Variants in KANK2 observed in about 807,000 individuals in gnomAD.
The protein encoded by KANK2 is KN motif and ankyrin repeat domains 2, also known as KN motif and ankyrin repeat domain-containing protein 2.
A neutral mutation model predicts 74.6 loss-of-function variants in KANK2; 41 were observed. That is an observed-to-expected ratio of 0.55 (90% CI 0.43 to 0.71). The LOEUF (loss-of-function observed/expected upper bound fraction) is 0.71. Among genes scored for constraint, KANK2 ranks in the 30% least tolerant of loss-of-function variants. The probability of loss-of-function intolerance (pLI) is 0.00; values close to 1 mark genes in which losing one functional copy is unlikely to be tolerated. For missense variants in KANK2, 1,148 were observed against 1,196.4 expected (o/e 0.96, Z 0.60); for synonymous variants, 537 against 519.0 (o/e 1.03, Z -0.47).
intron 12 of KANK2, among the ~76,000 whole-genome samples, chr19:11,168,005 GTTTTTT>G (rs528176321): frequency 0.041 from 4,700 of 115,034 alleles, 269 homozygotes; most frequent in African/African-American, 0.14. Context: ...CCACGTCCTT[GTTTTTT>G]TTTTTTTTTT....
intron 4 of KANK2, among the ~76,000 whole-genome samples, chr19:11,188,206 ATT>A (rs34581359): frequency 6.8e-6 from 1 of 146,934 alleles, no homozygotes; most frequent in Non-Finnish European, 1.5e-5. Flanking sequence ...GGCCAAAATA[ATT>A]TTTTTTTTTT....
Position 11,193,156 on chromosome 19 carries a change from G to A in KANK2, c.924C>T (p.Ala308=). The A allele has an allele frequency of 6.2e-7, 1 of 1,609,608 alleles. No individual in the cohort carries two copies. Among genetic ancestry groups the A allele is most frequent in the Non-Finnish European group, 8.5e-7 (1 of 1,178,654 alleles). ...KALQELQAAQ[A]RQADPQPQAW... is the part of the protein sequence containing the mutation. ...CCTGGGGCTGGGGGTCAGCCTGCCGGGCCTGAGCTGCCTGCAGCTCCTGCA... is the reference window on the plus strand; with the variant it reads ...CCTGGGGCTGGGGGTCAGCCTGCCGAGCCTGAGCTGCCTGCAGCTCCTGCA... Residue 308 remains alanine (A), a synonymous_variant, in exon 4 of 13, where the codon GCC becomes GCT. Transcript: ENST00000586659. The surrounding 1 kb of genome is among the most constrained non-coding windows in gnomAD (Gnocchi z 9.6).
chr19:11,184,799 G>A (rs1175241701), intron 4 of KANK2, among the ~76,000 whole-genome samples: 1 of 148,568 alleles, frequency 6.7e-6, no homozygotes, highest in East Asian at 1.9e-4. Context: ...AGTGACTTCA[G>A]GGAACTTCTT....
chr19:11,178,328 G>C lies in KANK2; in HGVS notation c.1520+17C>G. 2.0e-6 allele frequency: 1 copy of C among 503,084 alleles called. No individual in the cohort carries two copies. Among genetic ancestry groups the C allele is most frequent in the Non-Finnish European group, 3.3e-6 (1 of 298,692 alleles). 31.2% of individuals were successfully genotyped at this position (503,084 alleles called of 1,614,324 possible). On this transcript the variant is annotated intron_variant, in intron 6 of 12. Transcript: ENST00000586659. ...GGCGGGAAGTATGGGGTGGGGGGTG[G>C]GGTCTTCTCCTCTCACCCGCCGTTG...
chr19:11,172,645 C>G (rs1415145737), intron 10 of KANK2, among the ~76,000 whole-genome samples: 1 of 152,178 alleles, frequency 6.6e-6, no homozygotes, highest in Non-Finnish European at 1.5e-5. Flanking sequence ...CCGGTGCTCC[C>G]TAAAATGCTT....
intron 12 of KANK2, among the ~76,000 whole-genome samples, chr19:11,167,558 C>T (rs529671864): frequency 2.1e-4 from 31 of 148,218 alleles, no homozygotes; most frequent in African/African-American, 7.5e-4. Context: ...GGCGGAATCT[C>T]ACTCTGTCAC....
chr19:11,194,347 C>T (rs753624824), intron 3 of KANK2, 128 bp downstream of exon 3: 145 of 748,590 alleles, frequency 1.9e-4, no homozygotes, highest in Non-Finnish European at 2.8e-4. Flanking sequence ...ACTCTGCCTC[C>T]TCCCTCAGAC....
rs759210703 is a variant in KANK2, at chr19:11,172,998, T to G, written c.2194A>C (p.Asn732His). The G allele has an allele frequency of 3.1e-6, 5 of 1,613,620 alleles. No individual in the cohort carries two copies. In the Admixed American group the frequency reaches 5.0e-5, roughly 16 times the overall value. ...CCCCATACCTGGCTGGCTTTGGCATTGATGTTGCCAAGCCGGAAGAGCTGA... is the reference window on the plus strand; with the variant it reads ...CCCCATACCTGGCTGGCTTTGGCATGGATGTTGCCAAGCCGGAAGAGCTGA... ...VLQLFRLGNI[N>H]AKASQAGQTA... The change falls in exon 10 of 13, where the codon AAT becomes CAT. Residue 732 changes from asparagine (N) to histidine (H), a missense_variant. Coordinates refer to ENST00000586659, the MANE Select transcript of KANK2 (RefSeq NM_001136191.3).
At position 11,176,682 on chromosome 19, in the gene KANK2, C is replaced by T. The variant is rs201386641; in HGVS notation, c.1656G>A (p.Thr552=). 8.1e-6 allele frequency: 13 copies of T among 1,613,674 alleles called. No individual in the cohort carries two copies. The highest frequency in any genetic ancestry group is 1.7e-5 in the Admixed American group (1 of 59,906). ...AEAPQLRPAG[T]AAAKTSRQEC... is the part of the protein sequence containing the mutation. ...CCTGCCGGCTGGTCTTGGCCGCTGC[C>T]GTCCCTGCAGGCCTGAGCTGGGGGG... is the stretch of plus-strand genomic sequence containing the variant. The change falls in exon 7 of 13, where the codon ACG becomes ACA. Residue 552 remains threonine (T), a synonymous_variant. Coordinates refer to ENST00000586659, the MANE Select transcript of KANK2 (RefSeq NM_001136191.3).
At position 11,170,978 on chromosome 19, in the gene KANK2, C is replaced by T. The variant is rs560253367; in HGVS notation, c.2212-730G>A. 5.9e-5 allele frequency among the ~76,000 whole-genome samples: 9 copies of T among 152,280 alleles called. No individual in the cohort carries two copies. Among genetic ancestry groups the T allele is most frequent in the East Asian group, 1.9e-4 (1 of 5,184 alleles). On this transcript the variant is annotated intron_variant, in intron 10 of 12. Coordinates refer to ENST00000586659, the MANE Select transcript of KANK2 (RefSeq NM_001136191.3). The surrounding 1 kb of genome is among the most constrained non-coding windows in gnomAD (Gnocchi z 5.2). ...CTGAGATTACAGGCGTGTGCCACTA[C>T]GCCCAGCTAATTTTTGTATTTTTAG...
At position 11,194,437 on chromosome 19, in the gene KANK2, C is replaced by A. The variant is rs1427876527; in HGVS notation, c.37+38G>T. On this transcript the variant is annotated intron_variant, in intron 3 of 12. Transcript: ENST00000586659. ...CCCCCTCAGGCCTCCAGAACTGAAG[C>A]TCCCCGGGGCAGGGCCCTCTTCCCT... 8 of 1,581,364 alleles carry A rather than the reference C, an allele frequency of 5.1e-6. No homozygotes were observed. The East Asian group carries it at 1.8e-4, about 35-fold the overall frequency.
rs1455474634 is a variant in KANK2 at position 11,166,307 on chromosome 19, T to C, written c.*251A>G. 1.4e-5 allele frequency: 6 copies of C among 421,150 alleles called. No homozygotes were observed. The highest frequency in any genetic ancestry group is 2.5e-5 in the Non-Finnish European group (6 of 236,390). 26.1% of individuals were successfully genotyped at this position (421,150 alleles called of 1,614,324 possible). A position where few individuals can be genotyped will look rare whatever the true frequency, so the allele number is the denominator to read the frequency against. On this transcript the variant is annotated 3_prime_UTR_variant, in exon 13 of 13. Transcript: ENST00000586659. Reference sequence around the variant, plus strand: ...ACCCCAGCATCAGCCCTGGCGCCAATGTATACAAGAATTTTGCTTCGGTCT... The same window carrying C: ...ACCCCAGCATCAGCCCTGGCGCCAACGTATACAAGAATTTTGCTTCGGTCT...
chr19:11,167,972 T>C (rs895755370), intron 12 of KANK2, among the ~76,000 whole-genome samples: 3 of 151,268 alleles, frequency 2.0e-5, no homozygotes, highest in African/African-American at 7.3e-5. Flanking sequence ...GGGACTCCAA[T>C]AGCTTCCCCA....
chr19:11,197,595 C>G (rs2079061788), upstream of KANK2: 1 of 151,590 alleles, frequency 6.6e-6, no homozygotes, highest in Admixed American at 6.6e-5. Context: ...CACCACGCCC[C>G]CTCCGGCTGG....
At chr19:11,187,693 C>T (rs111279811) in intron 4 of KANK2, among the ~76,000 whole-genome samples, 3,258 of 152,300 alleles carry the variant, frequency 0.021, 34 homozygotes, top group Non-Finnish European at 0.031. Context: ...ATATTGTCTA[C>T]GGCTGCTTTT....
At chr19:11,182,561 A>AAAAAAAC (rs766300556) in intron 4 of KANK2, among the ~76,000 whole-genome samples, 12 of 143,682 alleles carry the variant, frequency 8.4e-5, no homozygotes, top group Admixed American at 1.4e-4. Context: ...CAAAACAAAA[A>AAAAAAAC]AGCCAGGCGC....
chr19:11,174,962 T>C (rs1384641870), intron 8 of KANK2, among the ~76,000 whole-genome samples: 1 of 151,396 alleles, frequency 6.6e-6, no homozygotes, highest in African/African-American at 2.4e-5. Context: ...TCTCTCTTTT[T>C]TTTTTTTTTT....
intron 10 of KANK2, among the ~76,000 whole-genome samples, chr19:11,172,559 A>C (rs1373329703): frequency 6.6e-6 from 1 of 152,130 alleles, no homozygotes; most frequent in Non-Finnish European, 1.5e-5. Context: ...TCAAACCAGG[A>C]ATCAGGCCAC....
intron 4 of KANK2, among the ~76,000 whole-genome samples, chr19:11,185,943 A>C (rs960695084): frequency 6.6e-6 from 1 of 152,156 alleles, no homozygotes; most frequent in African/African-American, 2.4e-5. Context: ...AGGTGGAGGG[A>C]TCACTTGAGC....
Sources: allele counts gnomAD v4.1 joint callset (sites outside exome capture counted in the v4.1 genomes callset), GRCh38; gene constraint gnomAD v4.1.1; non-coding constraint Gnocchi (gnomAD v3.1); transcripts MANE v1.5; gene names NCBI Gene and HGNC (gene_info 2026-07-23, HGNC 2026-07-21).